Variants in RUNX1T1 observed in about 807,000 individuals in gnomAD.
RUNX1T1 encodes RUNX1 partner transcriptional co-repressor 1, also known as protein CBFA2T1.
In RUNX1T1, 4 loss-of-function variants were observed where a neutral mutation model predicts 62.8. The observed-to-expected ratio is 0.06, with a 90% CI of 0.03 to 0.15. The LOEUF is 0.15. Ranked by LOEUF, RUNX1T1 falls within the 10% of genes least tolerant of loss-of-function variation. RUNX1T1 has a pLI of 1.00. For missense variants in RUNX1T1, 508 were observed against 754.3 expected (o/e 0.67, Z 3.82); for synonymous variants, 291 against 286.0 (o/e 1.02, Z -0.18).
chr8:92,044,407 G>A (rs566799535), intron 1 of RUNX1T1, among the ~76,000 whole-genome samples: 2 of 152,284 alleles, frequency 1.3e-5, no homozygotes, highest in East Asian at 3.9e-4. Flanking sequence ...GTCAATTCCA[G>A]ACTTGGAGGT....
At chr8:91,993,888 A>G (rs1818177402) in intron 5 of RUNX1T1, among the ~76,000 whole-genome samples, 1 of 152,108 alleles carries the variant, frequency 6.6e-6, no homozygotes, top group Admixed American at 6.6e-5. Flanking sequence ...GTTGCTCGGG[A>G]GGCTGAGGCA....
At chr8:92,023,629 G>C (rs1824557100) in intron 1 of RUNX1T1, among the ~76,000 whole-genome samples, 1 of 152,136 alleles carries the variant, frequency 6.6e-6, no homozygotes, top group Non-Finnish European at 1.5e-5. Flanking sequence ...ACAATCACTA[G>C]GATTTTCTTT....
At chr8:91,956,235 A>G (rs1332740247), downstream of RUNX1T1, 1 of 231,310 alleles carries the variant, frequency 4.3e-6, no homozygotes, top group Non-Finnish European at 8.6e-6. Flanking sequence ...CTCCTTTCCT[A>G]TGGAAGGTAG....
In RUNX1T1 at chr8:92,096,592, T is replaced by G. The variant is rs147734586; in HGVS notation, c.-86+2988A>C. ...TATTTTATTGGGGGAGGGGAAGTAT[T>G]TGGTTGTGCTGTGTTTCAAGGCACT... On this transcript the variant is annotated intron_variant, in intron 1 of 11. Coordinates refer to the RUNX1T1 transcript ENST00000265814. 7.9e-5 allele frequency among the ~76,000 whole-genome samples: 12 copies of G among 152,152 alleles called. No individual in the cohort carries two copies. The East Asian group carries it at 1.9e-3, about 25-fold the overall frequency.
chr8:91,960,116 G>C (rs1202591013), exon 11 of RUNX1T1: 3 of 980,486 alleles, frequency 3.1e-6, no homozygotes, highest in Non-Finnish European at 4.5e-6. Flanking sequence ...TCTTGCTGAA[G>C]TACTGAAATA....
upstream of RUNX1T1, among the ~76,000 whole-genome samples, chr8:92,102,463 T>G (rs1422275696): frequency 6.7e-6 from 1 of 149,766 alleles, no homozygotes. This position sits in a 1 kb window ranked among gnomAD's most constrained non-coding sequence, Gnocchi z 4.5. Flanking sequence ...AAACCCACGA[T>G]GCGGGCATAG....
At chr8:92,005,492 G>A (rs1563734311) in intron 4 of RUNX1T1, 195 bp from the exon 6 acceptor site, 1 of 543,618 alleles carries the variant, frequency 1.8e-6, no homozygotes, top group East Asian at 3.3e-5. Context: ...CTAAGTGTGA[G>A]GTGACTGACC....
chr8:92,092,298 G>A (rs914469117), intron 1 of RUNX1T1, among the ~76,000 whole-genome samples: 2 of 152,146 alleles, frequency 1.3e-5, no homozygotes, highest in Non-Finnish European at 2.9e-5. Context: ...AAAAGAACAT[G>A]TCTTTCCTAG....
At chr8:91,958,649 A>G (rs932545335), downstream of RUNX1T1, 8 of 179,166 alleles carry the variant, frequency 4.5e-5, no homozygotes, top group Non-Finnish European at 7.2e-5. Context: ...AAAAAAAAAA[A>G]AAAGAAAAAT....
intron 5 of RUNX1T1, among the ~76,000 whole-genome samples, chr8:91,997,997 C>T (rs549085025): frequency 3.9e-5 from 6 of 152,284 alleles, no homozygotes; most frequent in East Asian, 3.9e-4. Context: ...TTCTATTAAA[C>T]GCAGACCAAA....
chr8:92,095,497 GGGAGA>G, intron 1 of RUNX1T1: 1 of 1,520,892 alleles, frequency 6.6e-7, no homozygotes, highest in Non-Finnish European at 8.8e-7. Flanking sequence ...GAGCGCAGGA[GGGAGA>G]GGAGAGAAGC....
chr8:91,987,886 A>G (rs1816898505), intron 6 of RUNX1T1, among the ~76,000 whole-genome samples: 1 of 152,170 alleles, frequency 6.6e-6, no homozygotes, highest in Non-Finnish European at 1.5e-5. Flanking sequence ...TGCATTTTAA[A>G]TGATCAAAAC....
intron 1 of RUNX1T1, among the ~76,000 whole-genome samples, chr8:92,083,509 C>G (rs1835609249): frequency 1.3e-5 from 2 of 152,256 alleles, no homozygotes; most frequent in South Asian, 4.1e-4. Context: ...CATCCATCAC[C>G]ACTGGGCATT....
downstream of RUNX1T1, chr8:91,955,016 A>G (rs980824639): frequency 5.0e-5 from 10 of 201,214 alleles, no homozygotes; most frequent in Non-Finnish European, 9.2e-5. Flanking sequence ...ATAAGGGTAT[A>G]GACACCCATA....
At chr8:92,009,159 T>A (rs1821449077) in intron 4 of RUNX1T1, among the ~76,000 whole-genome samples, 1 of 152,180 alleles carries the variant, frequency 6.6e-6, no homozygotes, top group African/African-American at 2.4e-5. Flanking sequence ...TTCTTCCAAT[T>A]TAAAAAATAT....
At chr8:91,960,636 A>G in intron 10 of RUNX1T1, 119 bp from the exon 12 acceptor site, 1 of 1,105,952 alleles carries the variant, frequency 9.0e-7, no homozygotes, top group Non-Finnish European at 1.3e-6. Flanking sequence ...AGTCAGGATG[A>G]AAAATCCAGG....
chr8:92,100,791 G>A (rs1462392809), upstream of RUNX1T1, among the ~76,000 whole-genome samples: 1 of 152,174 alleles, frequency 6.6e-6, no homozygotes, highest in Non-Finnish European at 1.5e-5. Flanking sequence ...ATAAAAGAGA[G>A]GGAAATCCAC....
chr8:92,074,410 T>G (rs1417539034), intron 2 of RUNX1T1, among the ~76,000 whole-genome samples: 1 of 152,200 alleles, frequency 6.6e-6, no homozygotes, highest in Non-Finnish European at 1.5e-5. Flanking sequence ...ATGTTCAAGC[T>G]TTAAAGTCCA....
chr8:92,028,076 T>TGGG (rs57015512), intron 1 of RUNX1T1, among the ~76,000 whole-genome samples: 38 of 40,320 alleles, frequency 9.4e-4, no homozygotes, highest in African/African-American at 2.5e-3. Flanking sequence ...ATGGAATAAA[T>TGGG]GGGGGGGGGG....
Sources: allele counts gnomAD v4.1 joint callset (sites outside exome capture counted in the v4.1 genomes callset), GRCh38; gene constraint gnomAD v4.1.1; non-coding constraint Gnocchi (gnomAD v3.1); transcripts MANE v1.5; gene names NCBI Gene and HGNC (gene_info 2026-07-23, HGNC 2026-07-21).